The following KIAA1328 variants were observed in gnomAD, a reference collection of about 807,000 sequenced individuals.
KIAA1328 encodes protein hinderin.
Under a neutral mutation model 68.1 loss-of-function variants are expected in KIAA1328, and 52 were observed. The ratio of observed to expected loss-of-function variants is 0.76; its 90% CI spans 0.61 to 0.96. The LOEUF is 0.96. Among genes scored for constraint, KIAA1328 ranks in the 40% least tolerant of loss-of-function variants. KIAA1328 has a pLI of 0.00. For missense variants in KIAA1328, 641 were observed against 677.6 expected (o/e 0.95, Z 0.60); for synonymous variants, 232 against 239.4 (o/e 0.97, Z 0.28).
intron 5 of KIAA1328, among the ~76,000 whole-genome samples, chr18:36,931,332 G>T (rs1243157594): frequency 2.0e-5 from 3 of 152,046 alleles, no homozygotes; most frequent in Non-Finnish European, 4.4e-5. Flanking sequence ...CCTCCTGTCA[G>T]ATCAGTGGCA....
chr18:37,143,145 G>A (rs181469423), intron 7 of KIAA1328, among the ~76,000 whole-genome samples: 9 of 151,968 alleles, frequency 5.9e-5, no homozygotes, highest in Admixed American at 5.9e-4. Flanking sequence ...AGTAGCAATG[G>A]GATTTTGCCG....
downstream of KIAA1328, among the ~76,000 whole-genome samples, chr18:37,227,900 G>T (rs2060647830): frequency 6.6e-6 from 1 of 152,038 alleles, no homozygotes; most frequent in African/African-American, 2.4e-5. Context: ...CAAGTAAATT[G>T]AAAACCTTCT....
At chr18:37,059,045 A>G (rs1197942787) in intron 6 of KIAA1328, among the ~76,000 whole-genome samples, 2 of 152,180 alleles carry the variant, frequency 1.3e-5, no homozygotes, top group East Asian at 1.9e-4. Context: ...AAGGAACAGT[A>G]TAGAGTAACA....
chr18:37,201,701 G>A (rs956411385), intron 9 of KIAA1328, among the ~76,000 whole-genome samples: 5 of 152,198 alleles, frequency 3.3e-5, no homozygotes, highest in Non-Finnish European at 7.3e-5. Flanking sequence ...AAGAAGCAAA[G>A]CCAAGGATTC....
At chr18:36,996,560 T>C (rs1165091832) in intron 6 of KIAA1328, among the ~76,000 whole-genome samples, 1 of 152,108 alleles carries the variant, frequency 6.6e-6, no homozygotes, top group Admixed American at 6.5e-5. Flanking sequence ...GAGAAGATAA[T>C]GTGAAAAATA....
intron 4 of KIAA1328, among the ~76,000 whole-genome samples, chr18:36,876,283 A>G (rs961430501): frequency 1.1e-4 from 17 of 152,160 alleles, no homozygotes; most frequent in Admixed American, 9.2e-4. Context: ...TTGGCTGTCA[A>G]TCAGTCTGGT....
intron 7 of KIAA1328, among the ~76,000 whole-genome samples, chr18:37,086,448 G>T (rs2057106736): frequency 6.6e-6 from 1 of 152,122 alleles, no homozygotes; most frequent in Non-Finnish European, 1.5e-5. Flanking sequence ...TAGGCATTTT[G>T]TCTAGTGATT....
chr18:37,185,693 A>G (rs554348106), intron 9 of KIAA1328, among the ~76,000 whole-genome samples: 1 of 150,944 alleles, frequency 6.6e-6, no homozygotes, highest in East Asian at 1.9e-4. Flanking sequence ...ATTTAAATAT[A>G]TATATACGTA....
At chr18:37,003,522 T>G (rs1220284153) in intron 6 of KIAA1328, among the ~76,000 whole-genome samples, 1 of 152,006 alleles carries the variant, frequency 6.6e-6, no homozygotes, top group Non-Finnish European at 1.5e-5. Context: ...TGGGCAAAGG[T>G]TTTTCCCATT....
At chr18:37,084,319 A>G (rs1270350211) in intron 7 of KIAA1328, 1 of 600,034 alleles carries the variant, frequency 1.7e-6, no homozygotes, top group Admixed American at 4.1e-5. Flanking sequence ...CTCTATGTTG[A>G]TTAATACAGT....
chr18:36,853,170 G>T (rs1002056819), intron 4 of KIAA1328, among the ~76,000 whole-genome samples: 1 of 151,960 alleles, frequency 6.6e-6, no homozygotes, highest in Non-Finnish European at 1.5e-5. Context: ...TTCAACCTTT[G>T]TGTCTTTTGA....
intron 4 of KIAA1328, among the ~76,000 whole-genome samples, chr18:36,846,685 A>G (rs956626092): frequency 6.6e-6 from 1 of 151,530 alleles, no homozygotes; most frequent in Non-Finnish European, 1.5e-5. Flanking sequence ...TTAGTTTTAC[A>G]TATTCTGGCA....
At chr18:36,923,453 A>G (rs2050002408) in intron 5 of KIAA1328, among the ~76,000 whole-genome samples, 1 of 152,216 alleles carries the variant, frequency 6.6e-6, no homozygotes, top group South Asian at 2.1e-4. Flanking sequence ...CAAATTAGGA[A>G]TGACAGAGGT....
At chr18:36,989,190 A>T (rs1598905575) in intron 6 of KIAA1328, among the ~76,000 whole-genome samples, 1 of 152,180 alleles carries the variant, frequency 6.6e-6, no homozygotes. Flanking sequence ...CGTTTCTCTC[A>T]GTCTTGGGGC....
intron 7 of KIAA1328, among the ~76,000 whole-genome samples, chr18:37,099,315 C>T (rs1386025104): frequency 2.0e-5 from 3 of 152,130 alleles, no homozygotes; most frequent in Admixed American, 6.5e-5. Flanking sequence ...TTTATTTCTG[C>T]CTTCATTTTG....
chr18:36,864,633 G>GTA (rs1443156731), intron 4 of KIAA1328, among the ~76,000 whole-genome samples: 1 of 141,194 alleles, frequency 7.1e-6, no homozygotes, highest in East Asian at 2.1e-4. Flanking sequence ...TCTGTTTTTG[G>GTA]TATTATACTA....
chr18:36,990,822 TA>T (rs1240957119), intron 6 of KIAA1328, among the ~76,000 whole-genome samples: 1 of 152,056 alleles, frequency 6.6e-6, no homozygotes, highest in Non-Finnish European at 1.5e-5. Flanking sequence ...TCAAAGAGTA[TA>T]AAAAAATGTT....
At chr18:37,077,682 C>A (rs1599178627) in intron 7 of KIAA1328, among the ~76,000 whole-genome samples, 2 of 121,762 alleles carry the variant, frequency 1.6e-5, no homozygotes, top group African/African-American at 8.2e-5. Context: ...TTCTTATACA[C>A]CAGTAACAGA....
intron 6 of KIAA1328, among the ~76,000 whole-genome samples, chr18:36,984,598 A>C (rs934860228): frequency 1.3e-5 from 2 of 152,156 alleles, no homozygotes; most frequent in Non-Finnish European, 2.9e-5. Flanking sequence ...TGCTGTGTGA[A>C]GTTAAGGAAC....
Sources: gnomAD v4.1 joint callset for allele counts (sites outside exome capture counted in the v4.1 genomes callset) on GRCh38, gnomAD v4.1.1 for gene constraint, MANE v1.5 for transcripts, NCBI Gene and HGNC (gene_info 2026-07-23, HGNC 2026-07-21) for gene names.